The following MED20 variants were observed in gnomAD, a reference collection of about 807,000 sequenced individuals.
MED20 encodes the protein mediator of RNA polymerase II transcription subunit 20.
A neutral mutation model predicts 19.7 loss-of-function variants in MED20; 19 were observed. That is an observed-to-expected ratio of 0.96 (90% CI 0.67 to 1.42). The LOEUF (loss-of-function observed/expected upper bound fraction) is 1.42, where lower values mean the gene tolerates loss of function less well. Ranked by LOEUF, MED20 falls within the 40% of genes most tolerant of loss-of-function variation. MED20 has a pLI of 0.00. For missense variants in MED20, 225 were observed against 273.0 expected (o/e 0.82, Z 1.24); for synonymous variants, 105 against 104.8 (o/e 1.00, Z -0.01).
In MED20 at chr6:41,909,354, C is replaced by T. The variant is rs1775133284; in HGVS notation, c.338G>A (p.Arg113Gln). Reference protein sequence around the residue: ...QSAKASKIETRGTRYQYCDFL... With the variant: ...QSAKASKIETQGTRYQYCDFL... ...GTCACAGTACTGGTACCTGGTGCCC[C>T]GGGTCTCAATCTTGCTGGCCTTAGC... Residue 113 changes from arginine to glutamine, a missense_variant, in exon 3 of 4, where the codon CGG becomes CAG. By Grantham distance (43) the Arg-to-Gln change is conservative. Coordinates refer to ENST00000265350, the MANE Select transcript of MED20 (RefSeq NM_004275.5). The T allele has an allele frequency of 1.2e-6, 2 of 1,614,100 alleles. No individual in the cohort carries two copies. The highest frequency in any genetic ancestry group is 1.7e-6 in the Non-Finnish European group (2 of 1,180,026).
At chr6:41,920,231 T>G (rs913486461) in intron 1 of MED20, among the ~76,000 whole-genome samples, 5 of 152,150 alleles carry the variant, frequency 3.3e-5, no homozygotes, top group Admixed American at 3.3e-4. Context: ...CCTAAAGAGA[T>G]AAAGTGCCTG....
At chr6:41,919,114 G>A (rs1775393449) in intron 1 of MED20, among the ~76,000 whole-genome samples, 1 of 137,422 alleles carries the variant, frequency 7.3e-6, no homozygotes, top group African/African-American at 2.8e-5. Flanking sequence ...GGGCAACAGA[G>A]TGAGACTCTG....
At chr6:41,920,829 G>A in intron 1 of MED20, 176 bp downstream of exon 1, 1 of 647,542 alleles carries the variant, frequency 1.5e-6, no homozygotes. Context: ...AAGAGGAAGG[G>A]GCGCATCTCT....
Position 41,909,464 on chromosome 6 carries a change from G to T in MED20, c.228C>A (p.Phe76Leu), listed in dbSNP as rs758123802. ...GGCAAGGGCCATTCTCAAAGAGGGC[G>T]AAACAGCTCAATGGGTACTCTGAGT... ...MHNSEYPLSC[F>L]ALFENGPCLI... The change falls in exon 3 of 4, where the codon TTC becomes TTA. Residue 76 changes from phenylalanine (F) to leucine (L), a missense_variant. Physicochemically the swap from Phe to Leu is conservative, Grantham distance 22 (BLOSUM62 0). Coordinates refer to ENST00000265350, the MANE Select transcript of MED20 (RefSeq NM_004275.5). 1 of 1,614,124 alleles carries T rather than the reference G, an allele frequency of 6.2e-7. No individual in the cohort carries two copies. The highest frequency in any genetic ancestry group is 8.5e-7 in the Non-Finnish European group (1 of 1,180,044).
At chr6:41,914,088 C>T (rs1490226113) in intron 2 of MED20, among the ~76,000 whole-genome samples, 14 of 152,126 alleles carry the variant, frequency 9.2e-5, no homozygotes, top group African/African-American at 3.1e-4. Flanking sequence ...AACAAATACA[C>T]GGGTTGGAAG....
At chr6:41,912,193 G>A (rs2127377147) in intron 2 of MED20, among the ~76,000 whole-genome samples, 1 of 139,242 alleles carries the variant, frequency 7.2e-6, no homozygotes, top group South Asian at 2.3e-4. Context: ...GGACCACCAT[G>A]CCCACCTTTT....
At chr6:41,913,107 CAAA>C (rs552007869) in intron 2 of MED20, 8 of 83,384 alleles carry the variant, frequency 9.6e-5, no homozygotes, top group Admixed American at 1.3e-4. Context: ...GACCCTGTCT[CAAA>C]AAAAAAAAAA....
intron 3 of MED20, 31 bp downstream of exon 3, chr6:41,909,237 AC>A (rs1362483268): frequency 6.2e-7 from 1 of 1,601,140 alleles, no homozygotes; most frequent in Non-Finnish European, 8.5e-7. Context: ...CCCCCTCAGA[AC>A]ATCCTGCTCC....
In MED20 at chr6:41,907,280, T is replaced by C; in HGVS notation, c.431A>G (p.Tyr144Cys). The change falls in exon 4 of 4, where the codon TAT becomes TGT. Residue 144 changes from tyrosine (Y) to cysteine (C), a missense_variant. Physicochemically the swap from Tyr to Cys is radical, Grantham distance 194. Coordinates refer to ENST00000265350, the MANE Select transcript of MED20 (RefSeq NM_004275.5). Reference protein sequence around the residue: ...SARGISVEVEYGPCVVASDCW... With the variant: ...SARGISVEVECGPCVVASDCW... ...GTCACTAGCTACCACACAGGGGCCA[T>C]ACTCCACCTGGGAACCAAAAGCACA... 1 of 1,611,720 alleles carries C rather than the reference T, an allele frequency of 6.2e-7. No individual in the cohort carries two copies. The highest frequency in any genetic ancestry group is 8.5e-7 in the Non-Finnish European group (1 of 1,178,892).
At position 41,906,462 on chromosome 6, in the gene MED20, A is replaced by G. The variant is rs1775050362; in HGVS notation, c.*610T>C. 1.3e-5 allele frequency: 2 copies of G among 152,778 alleles called. No homozygotes were observed. The highest frequency in any genetic ancestry group is 4.8e-5 in the African/African-American group (2 of 41,598). The allele number at this position is 152,778 out of a possible 1,614,324, so 9.5% of individuals were successfully genotyped here. A position where few individuals can be genotyped will look rare whatever the true frequency, so the allele number is the denominator to read the frequency against. On this transcript the variant is annotated 3_prime_UTR_variant, in exon 4 of 4. Transcript: ENST00000265350. ...ATAGCAGTTTGGCCTGTGGCTTAAC[A>G]TATTTCACAACAGAAGGGAAAGATG...
intron 1 of MED20, chr6:41,917,665 T>G (rs1303852176): frequency 7.0e-6 from 3 of 428,844 alleles, no homozygotes; most frequent in South Asian, 4.9e-5. Flanking sequence ...ATGCCAAAGA[T>G]TCTAGATGAC....
chr6:41,911,465 AC>A lies in MED20; in HGVS notation c.170-1944del, dbSNP rs1775192956. ...CACGCCCAGCTGAGATAGGCTAAAA[AC>A]TTTTTGAAAGACCACAAAATAAAAC... On this transcript the variant is annotated intron_variant, in intron 2 of 3. Coordinates refer to ENST00000265350, the MANE Select transcript of MED20 (RefSeq NM_004275.5). 2.0e-5 allele frequency among the ~76,000 whole-genome samples: 3 copies of A among 152,088 alleles called. No homozygotes were observed. The South Asian group carries it at 6.2e-4, about 32-fold the overall frequency.
At chr6:41,917,173 G>A (rs189333444) in intron 1 of MED20, among the ~76,000 whole-genome samples, 46 of 152,226 alleles carry the variant, frequency 3.0e-4, no homozygotes, top group African/African-American at 9.6e-4. Context: ...AGGTCAAGGC[G>A]GGTGGATCAC....
Position 41,907,396 on chromosome 6 carries a change from A to C in MED20, c.424-109T>G, listed in dbSNP as rs1775083981. The C allele has an allele frequency of 1.0e-5, 10 of 968,804 alleles. No homozygotes were observed. In the Admixed American group the frequency reaches 1.6e-4, roughly 15 times the overall value. 60.0% of individuals were successfully genotyped at this position (968,804 alleles called of 1,614,324 possible). ...CATCTTCCCCAACCCCGAGCTAAAG[A>C]CACACACCTCCTAGCACAGTATTGG... On this transcript the variant is annotated intron_variant, in intron 3 of 3. Transcript: ENST00000265350.
At chr6:41,910,822 A>G (rs1017679568) in intron 2 of MED20, among the ~76,000 whole-genome samples, 6 of 149,468 alleles carry the variant, frequency 4.0e-5, no homozygotes, top group African/African-American at 1.5e-4. Context: ...AGAAGCTGAC[A>G]ATCAGGCTGG....
At chr6:41,907,379 C>T in intron 3 of MED20, 92 bp from the exon 4 acceptor site, 1 of 1,243,012 alleles carries the variant, frequency 8.0e-7, no homozygotes, top group East Asian at 2.5e-5. Context: ...CCCATCTTCC[C>T]CAACCCCGAG....
chr6:41,909,020 TA>T (rs374330646), intron 3 of MED20: 68,466 of 411,660 alleles, frequency 0.17, no homozygotes, highest in East Asian at 0.22. Context: ...TCATTTCTAC[TA>T]AAAAAAAAAA....
intron 1 of MED20, chr6:41,917,680 G>A (rs374462042): frequency 2.0e-5 from 9 of 444,912 alleles, no homozygotes; most frequent in African/African-American, 8.1e-5. Context: ...GATGACACAC[G>A]GACTGAGAAT....
At position 41,906,743 on chromosome 6, in the gene MED20, C is replaced by G. The variant is rs1217875637; in HGVS notation, c.*329G>C. 1.7e-5 allele frequency: 5 copies of G among 287,098 alleles called. No individual in the cohort carries two copies. Among genetic ancestry groups the G allele is most frequent in the Non-Finnish European group, 3.3e-5 (5 of 149,518 alleles). 17.8% of individuals were successfully genotyped at this position (287,098 alleles called of 1,614,324 possible). On this transcript the variant is annotated 3_prime_UTR_variant, in exon 4 of 4. Transcript: ENST00000265350. The stretch of plus-strand genomic sequence containing the variant: ...AGTTGGGGATACGGACTATTTCCCC[C>G]ACCAGTACCAGGCAGGGACATTCCT...
Sources: gnomAD v4.1 joint callset for allele counts (sites outside exome capture counted in the v4.1 genomes callset) on GRCh38, gnomAD v4.1.1 for gene constraint, MANE v1.5 for transcripts, NCBI Gene and HGNC (gene_info 2026-07-23, HGNC 2026-07-21) for gene names.